ADAMTS3: variants seen among roughly 807,000 people sequenced by gnomAD.
ADAMTS3 encodes the protein A disintegrin and metalloproteinase with thrombospondin motifs 3.
ADAMTS3 carries 73 observed loss-of-function variants against 129.0 expected under a neutral mutation model. The observed-to-expected ratio is 0.57, with a 90% CI of 0.47 to 0.69. ADAMTS3 has a LOEUF of 0.69. Among genes scored for constraint, ADAMTS3 ranks in the 30% least tolerant of loss-of-function variants. ADAMTS3 has a pLI of 0.00. For missense variants in ADAMTS3, 1,457 were observed against 1,514.5 expected (o/e 0.96, Z 0.63); for synonymous variants, 477 against 510.8 (o/e 0.93, Z 0.89).
At chr4:72,556,137 AGGAAGGAGAGGGAG>A (rs1180811071) in intron 2 of ADAMTS3, among the ~76,000 whole-genome samples, 2 of 150,484 alleles carry the variant, frequency 1.3e-5, no homozygotes, top group Non-Finnish European at 2.9e-5. Context: ...GAAGGAAGGA[AGGAAGGAGAGGGAG>A]GGAAGTCTAA....
intron 5 of ADAMTS3, 86 bp downstream of exon 5, chr4:72,339,408 T>A: frequency 1.5e-6 from 2 of 1,330,060 alleles, no homozygotes; most frequent in Non-Finnish European, 2.1e-6. Flanking sequence ...GTCATGGAAG[T>A]TCTCACACAG....
At chr4:72,512,433 A>C (rs1720341464) in intron 3 of ADAMTS3, among the ~76,000 whole-genome samples, 1 of 152,206 alleles carries the variant, frequency 6.6e-6, no homozygotes, top group Non-Finnish European at 1.5e-5. Context: ...CAGAGGTTGC[A>C]GTCAGCCAAG....
chr4:72,565,817 A>G (rs573228698), intron 2 of ADAMTS3, among the ~76,000 whole-genome samples: 4 of 152,254 alleles, frequency 2.6e-5, no homozygotes, highest in African/African-American at 9.6e-5. Flanking sequence ...ACTGAACCAA[A>G]CTTCGGTTCA....
At chr4:72,446,434 A>G (rs1578686518) in intron 3 of ADAMTS3, among the ~76,000 whole-genome samples, 1 of 151,562 alleles carries the variant, frequency 6.6e-6, no homozygotes, top group African/African-American at 2.4e-5. Flanking sequence ...CATTTCCTCA[A>G]ATCAGAACAA....
intron 21 of ADAMTS3, among the ~76,000 whole-genome samples, chr4:72,286,790 G>A (rs1718516881): frequency 6.6e-6 from 1 of 152,036 alleles, no homozygotes; most frequent in African/African-American, 2.4e-5. Context: ...AAAATATAAC[G>A]GAAGAGAGAG....
chr4:72,494,605 C>T (rs1452276077), intron 3 of ADAMTS3, among the ~76,000 whole-genome samples: 1 of 152,156 alleles, frequency 6.6e-6, no homozygotes, highest in Non-Finnish European at 1.5e-5. Context: ...GGAAAATTAT[C>T]ATGTTGCTTT....
intron 2 of ADAMTS3, among the ~76,000 whole-genome samples, chr4:72,563,788 A>T (rs1476378924): frequency 6.6e-6 from 1 of 152,188 alleles, no homozygotes; most frequent in Non-Finnish European, 1.5e-5. Context: ...CCTTAATATA[A>T]TAATATCCTG....
intron 3 of ADAMTS3, among the ~76,000 whole-genome samples, chr4:72,477,125 G>T (rs1014465433): frequency 7.9e-5 from 12 of 152,022 alleles, no homozygotes; most frequent in African/African-American, 2.7e-4. Flanking sequence ...TGGGAGCAAA[G>T]CAGAGATGTC....
At chr4:72,548,377 C>CA (rs763838947) in intron 3 of ADAMTS3, 101 bp downstream of exon 3, 1 of 1,239,788 alleles carries the variant, frequency 8.1e-7, no homozygotes, top group Non-Finnish European at 1.1e-6. Context: ...TGTAACATAA[C>CA]AATGAAGCCT....
intron 3 of ADAMTS3, among the ~76,000 whole-genome samples, chr4:72,535,208 T>C (rs1036404275): frequency 6.6e-6 from 1 of 152,110 alleles, no homozygotes; most frequent in African/African-American, 2.4e-5. Flanking sequence ...CTAAGCAAAG[T>C]CAAATATCCT....
intron 4 of ADAMTS3, among the ~76,000 whole-genome samples, chr4:72,413,052 CATA>C (rs1722219343): frequency 6.6e-6 from 1 of 151,836 alleles, no homozygotes. Context: ...AAGTATTAAA[CATA>C]ATATTTCTTG....
chr4:72,326,083 T>C (rs901474103), intron 5 of ADAMTS3, among the ~76,000 whole-genome samples: 6 of 152,160 alleles, frequency 3.9e-5, no homozygotes, highest in African/African-American at 1.4e-4. Context: ...TATGCCAGGC[T>C]AATTAGAAAA....
chr4:72,398,385 C>T lies in ADAMTS3; in HGVS notation c.661+16430G>A, dbSNP rs929343079. On this transcript the variant is annotated intron_variant, in intron 4 of 21. Coordinates refer to ENST00000286657, the MANE Select transcript of ADAMTS3 (RefSeq NM_014243.3). ...CAGCCTGGCCAACATGGAGAAACCC[C>T]GTCTCTACTAAAAATACAAAAAATA... Among the ~76,000 whole-genome samples the T allele has an allele frequency of 5.3e-5, 8 of 151,908 alleles. No homozygotes were observed. The East Asian group carries it at 9.7e-4, about 18-fold the overall frequency.
At chr4:72,537,318 T>C (rs1486104288) in intron 3 of ADAMTS3, among the ~76,000 whole-genome samples, 2 of 152,206 alleles carry the variant, frequency 1.3e-5, no homozygotes, top group Non-Finnish European at 2.9e-5. Flanking sequence ...CAAAGAGTGA[T>C]AGCCTTTTTT....
At chr4:72,518,568 A>G (rs1037430365) in intron 3 of ADAMTS3, among the ~76,000 whole-genome samples, 1 of 152,054 alleles carries the variant, frequency 6.6e-6, no homozygotes, top group Admixed American at 6.5e-5. Flanking sequence ...TTCTTGTTGA[A>G]TTGATCCCTT....
chr4:72,553,495 T>C (rs1253557250), intron 2 of ADAMTS3, among the ~76,000 whole-genome samples: 1 of 152,132 alleles, frequency 6.6e-6, no homozygotes. Flanking sequence ...AGTTCAGAAA[T>C]CTCAAGTAGA....
Position 72,320,482 on chromosome 4 carries a change from TG to T in ADAMTS3, c.1102+231del, listed in dbSNP as rs368299662. Among the ~76,000 whole-genome samples, 52 of 152,280 alleles carry T rather than the reference TG, an allele frequency of 3.4e-4. 1 individual carries two copies. In the East Asian group the frequency reaches 9.1e-3, roughly 27 times the overall value. The stretch of plus-strand genomic sequence containing the variant: ...TACAGCACCCCCTCCATGCCCCAAA[TG>T]CACAATCACTATTTTAAAAGCAAGT... On this transcript the variant is annotated intron_variant, in intron 7 of 21. Coordinates refer to ENST00000286657, the MANE Select transcript of ADAMTS3 (RefSeq NM_014243.3).
chr4:72,539,080 T>C (rs1721252307), intron 3 of ADAMTS3, among the ~76,000 whole-genome samples: 1 of 151,918 alleles, frequency 6.6e-6, no homozygotes, highest in Admixed American at 6.6e-5. Context: ...AATATATATA[T>C]AGGGCAAAAG....
Position 72,567,373 on chromosome 4 carries a change from C to T in ADAMTS3, c.97+1G>A. On this transcript the variant is annotated splice_donor_variant, in intron 2 of 21. Transcript: ENST00000286657. LOFTEE classifies it high-confidence loss of function. Reference sequence around the variant, plus strand: ...GAGTGACATCTGAGAACAAAGCTTACCTATTTGCACCATTTCTTCATTACC... The same window carrying T: ...GAGTGACATCTGAGAACAAAGCTTATCTATTTGCACCATTTCTTCATTACC... The T allele has an allele frequency of 6.2e-7, 1 of 1,613,096 alleles. No homozygotes were observed. Among genetic ancestry groups the T allele is most frequent in the Non-Finnish European group, 8.5e-7 (1 of 1,179,618 alleles).
Sources: allele counts gnomAD v4.1 joint callset (sites outside exome capture counted in the v4.1 genomes callset), GRCh38; gene constraint gnomAD v4.1.1; transcripts MANE v1.5; gene names NCBI Gene and HGNC (gene_info 2026-07-23, HGNC 2026-07-21).